CRK: variants seen among roughly 807,000 people sequenced by gnomAD.
CRK encodes adapter molecule crk.
CRK carries 4 observed loss-of-function variants against 29.8 expected under a neutral mutation model. The ratio of observed to expected loss-of-function variants is 0.13; its 90% CI spans 0.07 to 0.31. The LOEUF (loss-of-function observed/expected upper bound fraction) is 0.31, where lower values mean the gene tolerates loss of function less well. Among genes scored for constraint, CRK ranks in the 10% least tolerant of loss-of-function variants. The pLI, the probability that CRK is intolerant of heterozygous loss-of-function variation, is 1.00. For synonymous variants in CRK, 153 were observed against 164.9 expected (o/e 0.93, Z 0.55); for missense variants, 274 against 396.5 (o/e 0.69, Z 2.62).
chr17:1,452,296 T>C (rs1432363539), intron 1 of CRK, among the ~76,000 whole-genome samples: 1 of 152,106 alleles, frequency 6.6e-6, no homozygotes, highest in Non-Finnish European at 1.5e-5. Flanking sequence ...AGACAGTAAG[T>C]GAAATAAGGT....
intron 1 of CRK, among the ~76,000 whole-genome samples, chr17:1,443,113 A>C (rs9747682): frequency 1.3e-5 from 2 of 151,342 alleles, no homozygotes; most frequent in Admixed American, 1.3e-4. Context: ...CAAGTAACTG[A>C]GATTACAGGC....
chr17:1,423,847 A>C (rs138859723), intron 2 of CRK, among the ~76,000 whole-genome samples, 197 bp from the exon 3 acceptor site: 189 of 152,304 alleles, frequency 1.2e-3, no homozygotes, highest in African/African-American at 4.3e-3. Context: ...AAGTGTTTTT[A>C]GCAGTGTGGA....
chr17:1,442,306 CA>C (rs1365753754), intron 1 of CRK, among the ~76,000 whole-genome samples: 2 of 151,990 alleles, frequency 1.3e-5, no homozygotes, highest in African/African-American at 4.8e-5. Flanking sequence ...AGGCGCACAC[CA>C]CACCTGGCCA....
intron 2 of CRK, among the ~76,000 whole-genome samples, chr17:1,426,062 G>T (rs1264463727): frequency 1.3e-5 from 2 of 150,596 alleles, no homozygotes; most frequent in African/African-American, 5.0e-5. Context: ...GCCAAGCGTG[G>T]CCAAGCGTGC....
chr17:1,448,842 T>C (rs1395406314), intron 1 of CRK, among the ~76,000 whole-genome samples: 1 of 151,042 alleles, frequency 6.6e-6, no homozygotes, highest in Non-Finnish European at 1.5e-5. Flanking sequence ...CTCAGCACTT[T>C]GGGAGGCTGA....
At chr17:1,423,679 T>C (rs762773230) in intron 2 of CRK, 29 bp from the exon 3 acceptor site, 2 of 1,610,894 alleles carry the variant, frequency 1.2e-6, no homozygotes, top group Non-Finnish European at 1.7e-6. Flanking sequence ...GAGAGCACTT[T>C]ATTTCCAGGT....
chr17:1,442,980 C>CTT (rs932637672), intron 1 of CRK, among the ~76,000 whole-genome samples: 11 of 100,558 alleles, frequency 1.1e-4, no homozygotes, highest in African/African-American at 3.7e-4. Context: ...ACCTCCCTTT[C>CTT]TTTCTTTTTT....
intron 1 of CRK, among the ~76,000 whole-genome samples, chr17:1,444,953 C>A (rs983995124): frequency 2.0e-5 from 3 of 151,962 alleles, no homozygotes; most frequent in African/African-American, 7.3e-5. Context: ...TCCAGACCAC[C>A]CTGGCTAACA....
intron 1 of CRK, among the ~76,000 whole-genome samples, chr17:1,437,994 T>C (rs2073900759): frequency 6.6e-6 from 1 of 152,038 alleles, no homozygotes; most frequent in African/African-American, 2.4e-5. Context: ...TCAGGAAATG[T>C]AGCAAGCTCT....
At chr17:1,440,787 C>T (rs567209000) in intron 1 of CRK, among the ~76,000 whole-genome samples, 7 of 152,284 alleles carry the variant, frequency 4.6e-5, no homozygotes, top group African/African-American at 1.7e-4. Context: ...TCTGTTAGTC[C>T]CAGCTTCTCG....
intron 2 of CRK, among the ~76,000 whole-genome samples, chr17:1,434,027 T>G (rs1238240923): frequency 6.6e-6 from 1 of 151,950 alleles, no homozygotes; most frequent in African/African-American, 2.4e-5. Flanking sequence ...TTTTGCAGCT[T>G]TATTGGAACA....
At chr17:1,445,454 C>T (rs1004943301) in intron 1 of CRK, among the ~76,000 whole-genome samples, 9 of 152,190 alleles carry the variant, frequency 5.9e-5, no homozygotes, top group Non-Finnish European at 1.3e-4. Context: ...GGCAAACACT[C>T]CTCATGCACC....
chr17:1,434,964 G>T (rs76999852), intron 2 of CRK, among the ~76,000 whole-genome samples: 1 of 152,114 alleles, frequency 6.6e-6, no homozygotes, highest in South Asian at 2.1e-4. Context: ...AATTAAGGCA[G>T]GCATGATTAA....
intron 1 of CRK, among the ~76,000 whole-genome samples, chr17:1,449,135 C>T (rs12948915): frequency 0.13 from 19,341 of 152,110 alleles, 1,465 homozygotes; most frequent in African/African-American, 0.2. Context: ...CTGTCCCACG[C>T]CTTCAAAATG....
chr17:1,432,594 G>C (rs747849632), intron 2 of CRK, among the ~76,000 whole-genome samples: 1 of 150,866 alleles, frequency 6.6e-6, no homozygotes, highest in African/African-American at 2.4e-5. Context: ...TGGCTAACAC[G>C]GTGAAACCTC....
At chr17:1,441,030 G>T (rs2073931426) in intron 1 of CRK, among the ~76,000 whole-genome samples, 1 of 152,086 alleles carries the variant, frequency 6.6e-6, no homozygotes, top group Non-Finnish European at 1.5e-5. Context: ...CTACCTCCCA[G>T]GCTGAAGCCA....
chr17:1,451,934 G>A (rs34686768), intron 1 of CRK, among the ~76,000 whole-genome samples: 8,138 of 152,158 alleles, frequency 0.053, 287 homozygotes, highest in Non-Finnish European at 0.077. Flanking sequence ...TCAGTGAGCC[G>A]AGACTGCACC....
chr17:1,430,587 C>A (rs1158508284), intron 2 of CRK, among the ~76,000 whole-genome samples: 1 of 148,816 alleles, frequency 6.7e-6, no homozygotes, highest in Non-Finnish European at 1.5e-5. Context: ...GGATGGTCTC[C>A]ATTTCCTGAC....
intron 1 of CRK, among the ~76,000 whole-genome samples, chr17:1,440,317 A>G (rs1157896556): frequency 6.7e-6 from 1 of 149,864 alleles, no homozygotes; most frequent in Non-Finnish European, 1.5e-5. Context: ...AAAAAAAATT[A>G]GCCAGGCATA....
Sources: gnomAD v4.1 joint callset for allele counts (sites outside exome capture counted in the v4.1 genomes callset) on GRCh38, gnomAD v4.1.1 for gene constraint, MANE v1.5 for transcripts, NCBI Gene and HGNC (gene_info 2026-07-23, HGNC 2026-07-21) for gene names.